Variants in MYOF observed in about 807,000 individuals in gnomAD.
The protein encoded by MYOF is myoferlin.
A neutral mutation model predicts 284.2 loss-of-function variants in MYOF; 244 were observed. The ratio of observed to expected loss-of-function variants is 0.86; its 90% CI spans 0.77 to 0.95. The LOEUF is 0.95. MYOF is among the 40% of genes least tolerant of loss of function. The probability of loss-of-function intolerance (pLI) is 0.00; values close to 1 mark genes in which losing one functional copy is unlikely to be tolerated. For missense variants in MYOF, 2,496 were observed against 2,560.6 expected (o/e 0.97, Z 0.54); for synonymous variants, 904 against 919.7 (o/e 0.98, Z 0.31).
intron 5 of MYOF, among the ~76,000 whole-genome samples, chr10:93,419,382 C>T (rs1448229382): frequency 2.0e-5 from 3 of 151,878 alleles, no homozygotes; most frequent in South Asian, 4.2e-4. Flanking sequence ...AGGCTGGTCT[C>T]GAACTCCTGA....
chr10:93,408,574 T>C lies in MYOF; in HGVS notation c.729+213A>G, dbSNP rs1029191829. Among the ~76,000 whole-genome samples the C allele has an allele frequency of 2.0e-5, 3 of 152,116 alleles. No homozygotes were observed. In the East Asian group the frequency reaches 5.8e-4, roughly 29 times the overall value. On this transcript the variant is annotated intron_variant, in intron 7 of 53. Coordinates refer to ENST00000359263, the MANE Select transcript of MYOF (RefSeq NM_013451.4). Reference sequence around the variant, plus strand: ...AAAGCTATATTTGTTACTTACCTATTTCTCCTTTTCCAATAGCAGAAGTGG... The same window carrying C: ...AAAGCTATATTTGTTACTTACCTATCTCTCCTTTTCCAATAGCAGAAGTGG...
intron 5 of MYOF, among the ~76,000 whole-genome samples, chr10:93,424,303 A>G (rs1474486693): frequency 6.6e-6 from 1 of 152,172 alleles, no homozygotes; most frequent in Non-Finnish European, 1.5e-5. Flanking sequence ...CAGGCCAGAA[A>G]GCGCCTAGTG....
chr10:93,328,470 A>AT (rs1050845551), intron 45 of MYOF, among the ~76,000 whole-genome samples: 10 of 152,310 alleles, frequency 6.6e-5, no homozygotes, highest in South Asian at 2.1e-4. Flanking sequence ...CTGTATGGGC[A>AT]TTTTTTTAGC....
intron 5 of MYOF, among the ~76,000 whole-genome samples, chr10:93,419,034 C>T (rs1042824266): frequency 6.6e-6 from 1 of 152,192 alleles, no homozygotes; most frequent in Non-Finnish European, 1.5e-5. Flanking sequence ...ATGGTCTTCC[C>T]ATCAAGGACA....
chr10:93,409,661 C>A lies in MYOF; in HGVS notation c.512G>T (p.Gly171Val). ...VRGPGPKGPVGTVSEAQLARR... is the reference protein window; with the variant it reads ...VRGPGPKGPVVTVSEAQLARR... ...AGCAAGCTGAGCTTCCGACACCGTC[C>A]CAACTGGCCCCTTGGGCCCAGGGCC... Residue 171 changes from glycine (G) to valine (V), a missense_variant, in exon 6 of 54, where the codon GGG becomes GTG. Transcript: ENST00000359263. The A allele has an allele frequency of 6.2e-7, 1 of 1,614,108 alleles. No homozygotes were observed. The highest frequency in any genetic ancestry group is 2.2e-5 in the East Asian group (1 of 44,892).
At chr10:93,428,434 G>T (rs1249761528) in intron 4 of MYOF, among the ~76,000 whole-genome samples, 1 of 151,486 alleles carries the variant, frequency 6.6e-6, no homozygotes, top group Non-Finnish European at 1.5e-5. Flanking sequence ...TCAAACTCCT[G>T]ACCTCAGATG....
Position 93,351,442 on chromosome 10 carries a change from C to A in MYOF, c.3793G>T (p.Val1265Leu). The change falls in exon 34 of 54, where the codon GTA becomes TTA. Residue 1265 changes from valine (V) to leucine (L), a missense_variant. Val to Leu is a conservative substitution (Grantham distance 32). Transcript: ENST00000359263. Reference sequence around the variant, plus strand: ...CCCCTCAGAATCAGCTCTGCAGTTACAAGAACATCCCCGCAGGCTTTGTCT... The same window carrying A: ...CCCCTCAGAATCAGCTCTGCAGTTAAAAGAACATCCCCGCAGGCTTTGTCT... The part of the protein sequence containing the change: ...NGDKACGDVL[V>L]TAELILRGKD... 6.2e-7 allele frequency: 1 copy of A among 1,614,234 alleles called. No individual in the cohort carries two copies. The highest frequency in any genetic ancestry group is 8.5e-7 in the Non-Finnish European group (1 of 1,180,044).
chr10:93,433,053 C>T (rs1050114928), intron 3 of MYOF, among the ~76,000 whole-genome samples: 2 of 152,034 alleles, frequency 1.3e-5, no homozygotes, highest in South Asian at 2.1e-4. Flanking sequence ...GTAGGTAAAG[C>T]GAGGAAGTTC....
rs903879246 is a variant in MYOF at position 93,327,182 on chromosome 10, C to A, written c.5132-1217G>T. On this transcript the variant is annotated intron_variant, in intron 45 of 53. Coordinates refer to ENST00000359263, the MANE Select transcript of MYOF (RefSeq NM_013451.4). The stretch of plus-strand genomic sequence containing the variant: ...TCTGCAGTCTCCCCTGCTGGAAAGG[C>A]CTGTGTAGGTGCTCTGGTCATCAGC... Among the ~76,000 whole-genome samples the A allele has an allele frequency of 3.0e-4, 45 of 152,076 alleles. 2 individuals are homozygous for A. Among genetic ancestry groups the A allele is most frequent in the African/African-American group, 9.9e-4 (41 of 41,308 alleles).
chr10:93,370,553 G>A (rs776548168), intron 24 of MYOF, among the ~76,000 whole-genome samples: 4 of 151,736 alleles, frequency 2.6e-5, no homozygotes, highest in Non-Finnish European at 4.4e-5. Flanking sequence ...GAACTCAAAC[G>A]ACCCACCCAC....
rs1027796845 is a variant in MYOF at position 93,337,861 on chromosome 10, T to C, written c.4391A>G (p.His1464Arg). Reference sequence around the variant, plus strand: ...CTGAATATACTGTCCGCATTTTTCATGTTCCCCTGAGGAAGCATAAAATTT... The same window carrying C: ...CTGAATATACTGTCCGCATTTTTCACGTTCCCCTGAGGAAGCATAAAATTT... Reference protein sequence around the residue: ...WSKFYASSGEHEKCGQYIQKG... With the variant: ...WSKFYASSGEREKCGQYIQKG... The change falls in exon 40 of 54, where the codon CAT becomes CGT. Residue 1464 changes from histidine (H) to arginine (R), a missense_variant. Coordinates refer to ENST00000359263, the MANE Select transcript of MYOF (RefSeq NM_013451.4). The C allele has an allele frequency of 2.5e-6, 4 of 1,614,174 alleles. No individual in the cohort carries two copies. The highest frequency in any genetic ancestry group is 3.4e-6 in the Non-Finnish European group (4 of 1,180,042).
At chr10:93,421,537 C>T (rs1848357924) in intron 5 of MYOF, among the ~76,000 whole-genome samples, 2 of 152,150 alleles carry the variant, frequency 1.3e-5, no homozygotes, top group African/African-American at 4.8e-5. Context: ...GGAGGTGGGG[C>T]CTACTGGAAG....
Position 93,353,892 on chromosome 10 carries a change from A to T in MYOF, c.3404-4T>A, listed in dbSNP as rs772298449. 2 of 1,601,386 alleles carry T rather than the reference A, an allele frequency of 1.2e-6. No individual in the cohort carries two copies. The highest frequency in any genetic ancestry group is 2.2e-5 in the South Asian group (2 of 89,304). ...CGCAGATGGTAGATGTAGACTCCTAAAAAAACAGGATAAAGATTACTTACA... is the reference window on the plus strand; with the variant it reads ...CGCAGATGGTAGATGTAGACTCCTATAAAAACAGGATAAAGATTACTTACA... On this transcript the variant is annotated splice_region_variant and splice_polypyrimidine_tract_variant and intron_variant, in intron 31 of 53. Transcript: ENST00000359263.
chr10:93,435,529 C>T (rs1038050163), intron 3 of MYOF, among the ~76,000 whole-genome samples: 1 of 152,178 alleles, frequency 6.6e-6, no homozygotes, highest in African/African-American at 2.4e-5. Flanking sequence ...GGCTAAGTCA[C>T]CCAACTCTTC....
chr10:93,455,079 C>T (rs1024112441), intron 2 of MYOF, among the ~76,000 whole-genome samples: 3 of 147,432 alleles, frequency 2.0e-5, no homozygotes, highest in African/African-American at 7.6e-5. Context: ...CACCTGAGGT[C>T]GACAGTTCGA....
At chr10:93,384,184 C>CGATGATTCA (rs1846250660) in intron 19 of MYOF, among the ~76,000 whole-genome samples, 1 of 152,176 alleles carries the variant, frequency 6.6e-6, no homozygotes, top group Non-Finnish European at 1.5e-5. Context: ...AGGCTACCCT[C>CGATGATTCA]GATGATTCAG....
intron 15 of MYOF, among the ~76,000 whole-genome samples, chr10:93,396,511 C>T (rs1255340622): frequency 1.3e-5 from 2 of 152,148 alleles, no homozygotes; most frequent in Non-Finnish European, 2.9e-5. Context: ...AGATGGTCCT[C>T]CAGTCACCCT....
chr10:93,353,382 C>T (rs1043262934), intron 32 of MYOF, among the ~76,000 whole-genome samples: 1 of 152,178 alleles, frequency 6.6e-6, no homozygotes, highest in Non-Finnish European at 1.5e-5. Context: ...GAACTCCAAA[C>T]TGCTCAAAGC....
chr10:93,400,744 T>A (rs979439641), intron 12 of MYOF, among the ~76,000 whole-genome samples: 1 of 151,980 alleles, frequency 6.6e-6, no homozygotes, highest in Admixed American at 6.6e-5. Context: ...ATAAATGGAA[T>A]CACTAGAAGC....
Sources: allele counts gnomAD v4.1 joint callset (sites outside exome capture counted in the v4.1 genomes callset), GRCh38; gene constraint gnomAD v4.1.1; transcripts MANE v1.5; gene names NCBI Gene and HGNC (gene_info 2026-07-23, HGNC 2026-07-21).